DENND1B: variants seen among roughly 807,000 people sequenced by gnomAD.
DENND1B encodes the protein DENN domain containing 1B.
A neutral mutation model predicts 90.1 loss-of-function variants in DENND1B; 59 were observed. The ratio of observed to expected loss-of-function variants is 0.65; its 90% CI spans 0.53 to 0.81. The LOEUF (loss-of-function observed/expected upper bound fraction) is 0.81. DENND1B is among the 40% of genes least tolerant of loss of function. DENND1B has a pLI of 0.00. For synonymous variants in DENND1B, 337 were observed against 324.6 expected (o/e 1.04, Z -0.41); for missense variants, 862 against 912.6 (o/e 0.94, Z 0.71).
chr1:197,667,203 G>C (rs930923790), intron 5 of DENND1B, among the ~76,000 whole-genome samples: 4 of 151,566 alleles, frequency 2.6e-5, no homozygotes, highest in Non-Finnish European at 5.9e-5. Context: ...AACCACTGTT[G>C]AAGAAGGAGA....
intron 16 of DENND1B, chr1:197,552,757 G>A (rs1671346888): frequency 2.4e-6 from 3 of 1,230,374 alleles, no homozygotes; most frequent in East Asian, 4.2e-5. Context: ...TTGGATTTCT[G>A]TATTACTAAT....
chr1:197,744,045 T>G (rs985426320), intron 2 of DENND1B, among the ~76,000 whole-genome samples: 2 of 152,232 alleles, frequency 1.3e-5, no homozygotes, highest in African/African-American at 4.8e-5. Flanking sequence ...AAGGATTTAC[T>G]TCTAATTCTA....
chr1:197,524,514 G>A (rs35624964), intron 20 of DENND1B, among the ~76,000 whole-genome samples: 27,123 of 152,014 alleles, frequency 0.18, 2,995 homozygotes, highest in Middle Eastern at 0.36. Flanking sequence ...TTACATTCCC[G>A]CAGGGGGTCT....
intron 13 of DENND1B, among the ~76,000 whole-genome samples, chr1:197,602,251 A>G (rs753884045): frequency 3.1e-4 from 47 of 151,558 alleles, no homozygotes; most frequent in Non-Finnish European, 7.4e-5. Flanking sequence ...AAGTGTAATT[A>G]TATTTCCTTT....
At chr1:197,566,670 T>A (rs1411097397) in intron 15 of DENND1B, among the ~76,000 whole-genome samples, 1 of 152,092 alleles carries the variant, frequency 6.6e-6, no homozygotes, top group Non-Finnish European at 1.5e-5. Context: ...GTATTAGCTA[T>A]TAGGATACAA....
At chr1:197,664,969 G>A (rs1331058238) in intron 5 of DENND1B, among the ~76,000 whole-genome samples, 1 of 151,964 alleles carries the variant, frequency 6.6e-6, no homozygotes, top group African/African-American at 2.4e-5. Flanking sequence ...ATCAAATTAG[G>A]TTAAAAAGTT....
intron 15 of DENND1B, among the ~76,000 whole-genome samples, chr1:197,573,436 G>T (rs1320866481): frequency 2.0e-5 from 3 of 152,080 alleles, no homozygotes; most frequent in Non-Finnish European, 4.4e-5. Context: ...CCAATAACAG[G>T]CTCTGAAATT....
chr1:197,726,756 A>G (rs1212704482), intron 2 of DENND1B, among the ~76,000 whole-genome samples: 1 of 152,214 alleles, frequency 6.6e-6, no homozygotes, highest in Admixed American at 6.5e-5. Context: ...GGTACTCAAG[A>G]GGTTATCAAG....
At chr1:197,769,510 C>A (rs1656134034) in intron 2 of DENND1B, among the ~76,000 whole-genome samples, 1 of 152,138 alleles carries the variant, frequency 6.6e-6, no homozygotes, top group African/African-American at 2.4e-5. Context: ...GAAATCTAAG[C>A]CCTCCAATGA....
At position 197,510,558 on chromosome 1, in the gene DENND1B, C is replaced by T; in HGVS notation, c.2230G>A (p.Gly744Arg). 1 of 1,612,624 alleles carries T rather than the reference C, an allele frequency of 6.2e-7. No homozygotes were observed. Among genetic ancestry groups the T allele is most frequent in the South Asian group, 1.1e-5 (1 of 91,048 alleles). The change falls in exon 23 of 23, where the codon GGA (glycine) becomes AGA (arginine). Residue 744 changes from glycine (G) to arginine (R), a missense_variant. By Grantham distance (125) the Gly-to-Arg change is moderately radical (BLOSUM62 -2). Transcript: ENST00000620048. ...KEAKETSEDI[G>R]LLHEVVSLCH... is the part of the protein sequence containing the mutation. ...AATGACACTACTTCATGGAGCAGTC[C>T]AATATCTTCTGAAGTCTCTTTGGCT...
intron 12 of DENND1B, among the ~76,000 whole-genome samples, chr1:197,611,308 TA>T (rs1215657593): frequency 6.6e-6 from 1 of 150,892 alleles, no homozygotes; most frequent in African/African-American, 2.4e-5. Context: ...GAAATCTCAC[TA>T]ATTTCAAGTT....
intron 3 of DENND1B, among the ~76,000 whole-genome samples, chr1:197,693,930 A>G (rs1319893168): frequency 6.6e-6 from 1 of 151,584 alleles, no homozygotes; most frequent in Non-Finnish European, 1.5e-5. Flanking sequence ...AGCTGGTAAC[A>G]TATGTTGATC....
chr1:197,726,769 G>A (rs1457073322), intron 2 of DENND1B, among the ~76,000 whole-genome samples: 4 of 152,034 alleles, frequency 2.6e-5, no homozygotes, highest in African/African-American at 7.2e-5. Context: ...TTATCAAGCT[G>A]GAAAAAAACT....
intron 20 of DENND1B, among the ~76,000 whole-genome samples, chr1:197,530,333 C>G (rs529955549): frequency 6.6e-6 from 1 of 152,228 alleles, no homozygotes; most frequent in African/African-American, 2.4e-5. Flanking sequence ...AATAAAGTCT[C>G]TCACTGACAA....
chr1:197,759,543 C>A (rs1327459933), intron 2 of DENND1B, among the ~76,000 whole-genome samples: 1 of 151,134 alleles, frequency 6.6e-6, no homozygotes, highest in East Asian at 1.9e-4. Flanking sequence ...AAAGAACCAG[C>A]AGGCCATCTT....
intron 18 of DENND1B, among the ~76,000 whole-genome samples, chr1:197,545,001 A>AGAAG (rs536451968): frequency 0.022 from 1,990 of 90,630 alleles, 32 homozygotes; most frequent in Middle Eastern, 0.056. Flanking sequence ...GGAAGAAGGA[A>AGAAG]GACGACGACG....
At chr1:197,655,170 A>G (rs1222637965) in intron 6 of DENND1B, among the ~76,000 whole-genome samples, 2 of 152,332 alleles carry the variant, frequency 1.3e-5, no homozygotes, top group South Asian at 4.1e-4. Flanking sequence ...AATTTTGTCT[A>G]TCATTGACGT....
chr1:197,547,515 C>A (rs995169129), intron 16 of DENND1B, among the ~76,000 whole-genome samples: 2 of 152,134 alleles, frequency 1.3e-5, no homozygotes, highest in African/African-American at 4.8e-5. Flanking sequence ...AAATCTTACT[C>A]TAATTTAAAA....
rs1029677980 is a variant in DENND1B, at chr1:197,736,920, C to G, written c.83-21846G>C. On this transcript the variant is annotated intron_variant, in intron 2 of 22. Transcript: ENST00000620048. ...CCCAAGCATCTATTCTTTTGAATGT[C>G]TCTTTGAGACTACTTCATAAATGAG... 5.3e-5 allele frequency among the ~76,000 whole-genome samples: 8 copies of G among 152,266 alleles called. 1 individual carries two copies. The highest frequency in any genetic ancestry group is 1.9e-4 in the African/African-American group (8 of 41,544).
Sources: allele counts gnomAD v4.1 joint callset (sites outside exome capture counted in the v4.1 genomes callset), GRCh38; gene constraint gnomAD v4.1.1; transcripts MANE v1.5; gene names NCBI Gene and HGNC (gene_info 2026-07-23, HGNC 2026-07-21).